Variants in DPP8 observed in about 807,000 individuals in gnomAD.
DPP8 encodes dipeptidyl peptidase 8.
DPP8 carries 31 observed loss-of-function variants against 107.5 expected under a neutral mutation model. That is an observed-to-expected ratio of 0.29 (90% CI 0.22 to 0.39). The LOEUF (loss-of-function observed/expected upper bound fraction) is 0.39. DPP8 is among the 10% of genes least tolerant of loss of function. The pLI is 1.00. For synonymous variants in DPP8, 381 were observed against 356.6 expected (o/e 1.07, Z -0.77); for missense variants, 842 against 1,076.1 (o/e 0.78, Z 3.04).
intron 4 of DPP8, among the ~76,000 whole-genome samples, chr15:65,498,312 C>T (rs2068810850): frequency 6.6e-6 from 1 of 151,954 alleles, no homozygotes; most frequent in South Asian, 2.1e-4. Context: ...GTCCCAACTA[C>T]TTGGGAGGCT....
chr15:65,482,867 C>T (rs566710113), intron 8 of DPP8, among the ~76,000 whole-genome samples: 4 of 150,274 alleles, frequency 2.7e-5, no homozygotes, highest in South Asian at 2.1e-4. Flanking sequence ...GAGGCCGAGG[C>T]GGGCAAATCA....
chr15:65,501,385 AACTAT>A (rs1418959347), intron 3 of DPP8, among the ~76,000 whole-genome samples: 2 of 152,326 alleles, frequency 1.3e-5, no homozygotes, highest in Non-Finnish European at 2.9e-5. Flanking sequence ...TCTACAACTT[AACTAT>A]AATTTAGTAG....
chr15:65,462,700 C>A (rs1281213943), intron 15 of DPP8, among the ~76,000 whole-genome samples: 1 of 152,140 alleles, frequency 6.6e-6, no homozygotes, highest in African/African-American at 2.4e-5. Context: ...CTGCCTCAGC[C>A]TCCCAAGTAG....
chr15:65,473,481 AAT>A (rs1201589981), intron 12 of DPP8, among the ~76,000 whole-genome samples: 2 of 152,048 alleles, frequency 1.3e-5, no homozygotes, highest in African/African-American at 4.8e-5. Context: ...CAGCCCAGAC[AAT>A]ATATATGAGA....
rs575586712 is a variant in DPP8, at chr15:65,452,437, T to TA, written c.2272-336dup. ...ACGTGTGAGAACTGTCAGTTTTATG[T>TA]AAAAAAGGAGCCACCTTTTTTTTTT... On this transcript the variant is annotated intron_variant, in intron 17 of 19. Transcript: ENST00000300141. Among the ~76,000 whole-genome samples the TA allele has an allele frequency of 3.6e-4, 55 of 151,790 alleles. No homozygotes were observed. The East Asian group carries it at 8.3e-3, about 23-fold the overall frequency.
intron 9 of DPP8, among the ~76,000 whole-genome samples, 173 bp downstream of exon 9, chr15:65,481,342 T>C (rs1234078119): frequency 6.6e-6 from 1 of 152,198 alleles, no homozygotes; most frequent in Non-Finnish European, 1.5e-5. Context: ...GCCTATAGGA[T>C]TACAAATGCA....
At chr15:65,464,611 A>T (rs2065186783) in intron 14 of DPP8, among the ~76,000 whole-genome samples, 1 of 152,074 alleles carries the variant, frequency 6.6e-6, no homozygotes, top group African/African-American at 2.4e-5. Flanking sequence ...TGAGCCCAGG[A>T]GGTTGAGGCT....
chr15:65,510,925 TA>T (rs1350401242), intron 2 of DPP8, among the ~76,000 whole-genome samples: 1 of 152,204 alleles, frequency 6.6e-6, no homozygotes, highest in Non-Finnish European at 1.5e-5. Context: ...TGCTGTTCGC[TA>T]ATCTGACTGG....
At chr15:65,490,142 A>C (rs372223411) in intron 6 of DPP8, 47 bp downstream of exon 6, 1 of 974,310 alleles carries the variant, frequency 1.0e-6, no homozygotes, top group Non-Finnish European at 1.7e-6. Context: ...GTTGAATCTT[A>C]ACAATACTTT....
At chr15:65,452,165 T>C (rs891760731) in intron 17 of DPP8, 63 bp from the exon 18 acceptor site, 8 of 1,527,552 alleles carry the variant, frequency 5.2e-6, no homozygotes, top group African/African-American at 4.2e-5. Flanking sequence ...AGCAGTGAGA[T>C]CTTACAACTG....
chr15:65,453,061 T>TA (rs2064109724), intron 17 of DPP8, among the ~76,000 whole-genome samples: 1 of 152,224 alleles, frequency 6.6e-6, no homozygotes, highest in Admixed American at 6.5e-5. Flanking sequence ...ACACTACTCA[T>TA]AATTCCTATT....
At chr15:65,492,999 A>G in intron 5 of DPP8, among the ~76,000 whole-genome samples, 1 of 152,166 alleles carries the variant, frequency 6.6e-6, no homozygotes, top group East Asian at 1.9e-4. Context: ...TTTTATCCAA[A>G]AAGTTTGAAT....
chr15:65,470,195 C>CAAAA (rs11310623), intron 12 of DPP8, among the ~76,000 whole-genome samples: 538 of 56,994 alleles, frequency 9.4e-3, no homozygotes, highest in Middle Eastern at 0.016. Context: ...ACTCTTGTCT[C>CAAAA]AAAAAAAAAA....
At chr15:65,498,628 T>G (rs1036288313) in intron 4 of DPP8, among the ~76,000 whole-genome samples, 17 of 152,120 alleles carry the variant, frequency 1.1e-4, no homozygotes, top group Non-Finnish European at 2.2e-4. Flanking sequence ...TACTGTTCAT[T>G]AAACATTGTT....
intron 16 of DPP8, among the ~76,000 whole-genome samples, 154 bp from the exon 17 acceptor site, chr15:65,454,569 C>T (rs2064244101): frequency 6.6e-6 from 1 of 152,196 alleles, no homozygotes; most frequent in Admixed American, 6.5e-5. Context: ...CTCTGTCACC[C>T]AGGCTGGAGT....
At chr15:65,472,974 G>C (rs1409431629) in intron 12 of DPP8, among the ~76,000 whole-genome samples, 1 of 152,054 alleles carries the variant, frequency 6.6e-6, no homozygotes, top group African/African-American at 2.4e-5. Flanking sequence ...GGAGGCAGAG[G>C]TTGTAGTGAG....
At chr15:65,507,696 A>C (rs1457038806) in intron 2 of DPP8, among the ~76,000 whole-genome samples, 1 of 151,978 alleles carries the variant, frequency 6.6e-6, no homozygotes, top group African/African-American at 2.4e-5. Flanking sequence ...GGCTTTAAAG[A>C]AAAATGCTCA....
chr15:65,466,980 T>C (rs2065417430), intron 13 of DPP8, 91 bp downstream of exon 13: 1 of 1,519,908 alleles, frequency 6.6e-7, no homozygotes, highest in Non-Finnish European at 8.9e-7. Flanking sequence ...AATTAGGCTT[T>C]TGCAGGCCAA....
At chr15:65,451,193 C>T in intron 18 of DPP8, 83 bp from the exon 19 acceptor site, 2 of 799,686 alleles carry the variant, frequency 2.5e-6, no homozygotes, top group Non-Finnish European at 4.3e-6. Context: ...TCATACTTAA[C>T]CATATTAACT....
Sources: gnomAD v4.1 joint callset for allele counts (sites outside exome capture counted in the v4.1 genomes callset) on GRCh38, gnomAD v4.1.1 for gene constraint, MANE v1.5 for transcripts, NCBI Gene and HGNC (gene_info 2026-07-23, HGNC 2026-07-21) for gene names.